The following DDX43 variants were observed in gnomAD, a reference collection of about 807,000 sequenced individuals.
DDX43 encodes the protein DEAD-box helicase 43, also known as probable ATP-dependent RNA helicase DDX43.
In DDX43, 50 loss-of-function variants were observed where a neutral mutation model predicts 84.9. That is an observed-to-expected ratio of 0.59 (90% confidence interval 0.47 to 0.75). The LOEUF (loss-of-function observed/expected upper bound fraction) is 0.75, where lower values mean the gene tolerates loss of function less well. Ranked by LOEUF, DDX43 falls within the 30% of genes least tolerant of loss-of-function variation. The pLI is 0.00. For synonymous variants in DDX43, 291 were observed against 266.3 expected (o/e 1.09, Z -0.90); for missense variants, 689 against 798.6 (o/e 0.86, Z 1.65).
chr6:73,405,916 G>C, intron 6 of DDX43, 81 bp downstream of exon 6: 2 of 1,330,336 alleles, frequency 1.5e-6, no homozygotes, highest in Non-Finnish European at 2.1e-6. Context: ...AGACTCCAGG[G>C]AGCAACTGTC....
chr6:73,409,770 C>T (rs1367198321), intron 10 of DDX43, among the ~76,000 whole-genome samples: 2 of 152,188 alleles, frequency 1.3e-5, no homozygotes, highest in Non-Finnish European at 2.9e-5. Flanking sequence ...CTGGCTCACG[C>T]CTATAATCCC....
chr6:73,411,673 TC>T (rs1769786578), intron 10 of DDX43, among the ~76,000 whole-genome samples: 1 of 151,844 alleles, frequency 6.6e-6, no homozygotes, highest in African/African-American at 2.4e-5. Flanking sequence ...TGTACAGGTA[TC>T]CTTTGGTTCA....
intron 2 of DDX43, 117 bp downstream of exon 2, chr6:73,397,861 G>C (rs1769502095): frequency 1.0e-5 from 9 of 890,682 alleles, no homozygotes; most frequent in Non-Finnish European, 1.1e-5. Flanking sequence ...GGAGTGCAGT[G>C]ACGTGATATC....
At chr6:73,416,014 A>T in intron 15 of DDX43, 99 bp from the exon 16 acceptor site, 1 of 701,680 alleles carries the variant, frequency 1.4e-6, no homozygotes, top group Non-Finnish European at 2.6e-6. Context: ...AAAGGATGTC[A>T]TGTAACCAGC....
chr6:73,395,276 C>T (rs1288191681), intron 1 of DDX43, 121 bp downstream of exon 1: 2 of 1,232,830 alleles, frequency 1.6e-6, no homozygotes, highest in Non-Finnish European at 1.1e-6. Flanking sequence ...GTTCAGGTCT[C>T]TCCCAGAGCT....
rs1310511007 is a variant in DDX43 at position 73,414,534 on chromosome 6, GCTTTA to G, written c.1607-9_1607-5del. The G allele has an allele frequency of 6.2e-7, 1 of 1,606,526 alleles. No homozygotes were observed. The highest frequency in any genetic ancestry group is 8.5e-7 in the Non-Finnish European group (1 of 1,176,228). ...ACCAGAATGGTTCAGTGTTCATTTG[GCTTTA>G]CTTTTTAGGCAAAGTGAGAATACTA... On this transcript the variant is annotated splice_polypyrimidine_tract_variant and intron_variant, in intron 13 of 16. Transcript: ENST00000370336.
At chr6:73,405,324 G>A (rs894701460) in intron 5 of DDX43, among the ~76,000 whole-genome samples, 8 of 152,162 alleles carry the variant, frequency 5.3e-5, no homozygotes, top group African/African-American at 1.9e-4. Flanking sequence ...TAACACATAG[G>A]ATTGTTAAGG....
chr6:73,413,100 T>C (rs1008105702), intron 11 of DDX43, among the ~76,000 whole-genome samples: 1 of 152,188 alleles, frequency 6.6e-6, no homozygotes, highest in Non-Finnish European at 1.5e-5. Context: ...TAGGTCTACA[T>C]ATATACATAA....
In DDX43 at chr6:73,394,933, G is replaced by A; in HGVS notation, c.28G>A (p.Ala10Thr). 1 of 1,614,252 alleles carries A rather than the reference G, an allele frequency of 6.2e-7. No individual in the cohort carries two copies. Among genetic ancestry groups the A allele is most frequent in the Non-Finnish European group, 8.5e-7 (1 of 1,180,046 alleles). Residue 10 changes from alanine to threonine, a missense_variant, in exon 1 of 17, where the codon GCC becomes ACC. Around this residue, in one of 2 missense-constraint regions of DDX43, gnomAD observed 137 missense variants for 105.9 expected, o/e 1.29. Transcript: ENST00000370336. MSHHGGAPK[A>T]STWVVASRRS... ...GTCCCACCACGGAGGAGCTCCCAAG[G>A]CCTCTACGTGGGTCGTTGCTAGTCG...
chr6:73,405,646 A>C, intron 5 of DDX43, 33 bp from the exon 6 acceptor site: 14 of 1,606,594 alleles, frequency 8.7e-6, no homozygotes, highest in Non-Finnish European at 1.1e-5. Context: ...GAGTAAAGTG[A>C]GGAAAGCCAC....
intron 1 of DDX43, 130 bp from the exon 2 acceptor site, chr6:73,397,558 CA>C (rs1769495439): frequency 5.4e-6 from 4 of 734,936 alleles, no homozygotes; most frequent in Non-Finnish European, 8.8e-6. Flanking sequence ...TCTTTCCAAA[CA>C]AAAAATGATT....
chr6:73,406,792 T>A (rs1769694558), intron 7 of DDX43, among the ~76,000 whole-genome samples: 1 of 152,194 alleles, frequency 6.6e-6, no homozygotes, highest in African/African-American at 2.4e-5. Context: ...GAAAAGACCA[T>A]CTTAAACAAA....
intron 10 of DDX43, among the ~76,000 whole-genome samples, chr6:73,409,570 TTATCA>T (rs1224791086): frequency 6.6e-6 from 1 of 152,222 alleles, no homozygotes; most frequent in African/African-American, 2.4e-5. Context: ...AAACATTTAC[TTATCA>T]TAGTAAGGTC....
Position 73,395,095 on chromosome 6 carries a change from G to A in DDX43, c.190G>A (p.Gly64Ser), listed in dbSNP as rs1266229718. Residue 64 changes from glycine (G) to serine (S), a missense_variant, in exon 1 of 17, where the codon GGT becomes AGT. By Grantham distance (56) the Gly-to-Ser change is moderately conservative. Coordinates refer to ENST00000370336, the MANE Select transcript of DDX43 (RefSeq NM_018665.3). ...TSRPPEAVAA[G>S]HEELPLCFAL... The stretch of plus-strand genomic sequence containing the variant: ...TAGGCCCCCGGAGGCCGTGGCCGCT[G>A]GTCACGAGGAACTGCCGCTGTGTTT... 1 of 1,614,166 alleles carries A rather than the reference G, an allele frequency of 6.2e-7. No homozygotes were observed. Among genetic ancestry groups the A allele is most frequent in the South Asian group, 1.1e-5 (1 of 91,086 alleles).
chr6:73,402,456 A>G (rs1337643241), intron 4 of DDX43, among the ~76,000 whole-genome samples: 1 of 152,172 alleles, frequency 6.6e-6, no homozygotes, highest in East Asian at 1.9e-4. Context: ...TTTTCAATTT[A>G]AAGATGAGAT....
At chr6:73,395,617 TAAAA>T (rs760280152) in intron 1 of DDX43, among the ~76,000 whole-genome samples, 7 of 133,614 alleles carry the variant, frequency 5.2e-5, no homozygotes, top group Non-Finnish European at 1.1e-4. Flanking sequence ...CCGTCTCAAT[TAAAA>T]AAAAAAAAAA....
chr6:73,402,790 GCTGGTCTCAAACCC>G (rs1040761638), intron 4 of DDX43, among the ~76,000 whole-genome samples: 14 of 152,094 alleles, frequency 9.2e-5, no homozygotes, highest in Admixed American at 3.3e-4. Flanking sequence ...TGTTGGCCAG[GCTGGTCTCAAACCC>G]CTGGCCTCAA....
At chr6:73,403,320 A>G (rs1446418034) in intron 4 of DDX43, among the ~76,000 whole-genome samples, 23 of 152,138 alleles carry the variant, frequency 1.5e-4, no homozygotes, top group Admixed American at 1.5e-3. Context: ...AAATACAAAA[A>G]TTAGCTGGGC....
Position 73,410,627 on chromosome 6 carries a change from C to T in DDX43, c.1280+1279C>T, listed in dbSNP as rs543895501. On this transcript the variant is annotated intron_variant, in intron 10 of 16. Coordinates refer to ENST00000370336, the MANE Select transcript of DDX43 (RefSeq NM_018665.3). ...TTGCGTTTTGAGACAGGGTCTCACT[C>T]TGTCACCCAGGATGGAATGCAGTGG... 1.5e-3 allele frequency among the ~76,000 whole-genome samples: 221 copies of T among 152,312 alleles called. 1 individual carries two copies. Among genetic ancestry groups the T allele is most frequent in the Non-Finnish European group, 1.2e-3 (85 of 68,028 alleles).
Sources: gnomAD v4.1 joint callset for allele counts (sites outside exome capture counted in the v4.1 genomes callset) on GRCh38, gnomAD v4.1.1 for gene constraint, gnomAD v4.1.1 regional missense constraint, MANE v1.5 for transcripts, NCBI Gene and HGNC (gene_info 2026-07-23, HGNC 2026-07-21) for gene names.